CRACD: variants seen among roughly 807,000 people sequenced by gnomAD.
CRACD encodes capping protein-inhibiting regulator of actin dynamics.
A neutral mutation model predicts 106.8 loss-of-function variants in CRACD; 56 were observed. The ratio of observed to expected loss-of-function variants is 0.52; its 90% confidence interval spans 0.42 to 0.66. The LOEUF (loss-of-function observed/expected upper bound fraction) is 0.66. Among genes scored for constraint, CRACD ranks in the 30% least tolerant of loss-of-function variants. CRACD has a pLI of 0.00. For synonymous variants in CRACD, 754 were observed against 670.8 expected (o/e 1.12, Z -1.92); for missense variants, 1,730 against 1,623.2 (o/e 1.07, Z -1.13).
In CRACD at chr4:56,082,687, G is replaced by A. The variant is rs187779663; in HGVS notation, c.-336+33388G>A. On this transcript the variant is annotated intron_variant, in intron 1 of 10. Coordinates refer to ENST00000682029, the MANE Select transcript of CRACD (RefSeq NM_001393381.1). ...TGATGGTGAACTTTGAAGAAAGGATGGGATTTAGAGAAAAGGAGCCAAGAA... is the reference window on the plus strand; with the variant it reads ...TGATGGTGAACTTTGAAGAAAGGATAGGATTTAGAGAAAAGGAGCCAAGAA... Among the ~76,000 whole-genome samples, 13 of 152,238 alleles carry A rather than the reference G, an allele frequency of 8.5e-5. No individual in the cohort carries two copies. In the East Asian group the frequency reaches 2.5e-3, roughly 29 times the overall value.
chr4:56,220,617 T>A (rs1738979685), intron 2 of CRACD, among the ~76,000 whole-genome samples: 3 of 152,122 alleles, frequency 2.0e-5, no homozygotes, highest in Admixed American at 6.5e-5. Context: ...CAAGCCCGGC[T>A]TTTGATTTTT....
At chr4:56,090,643 C>A (rs1054190840) in intron 1 of CRACD, among the ~76,000 whole-genome samples, 1 of 152,156 alleles carries the variant, frequency 6.6e-6, no homozygotes, top group African/African-American at 2.4e-5. Flanking sequence ...GATCTGCCCG[C>A]CTTGGTCTCC....
chr4:56,287,291 ATT>A (rs57432926), intron 3 of CRACD, among the ~76,000 whole-genome samples: 1 of 145,856 alleles, frequency 6.9e-6, no homozygotes, highest in Non-Finnish European at 1.5e-5. Context: ...TACTTGGCTA[ATT>A]TTTTTTTTTT....
intron 2 of CRACD, among the ~76,000 whole-genome samples, chr4:56,199,869 A>G (rs556186870): frequency 4.3e-4 from 65 of 152,212 alleles, no homozygotes; most frequent in Middle Eastern, 3.4e-3. Context: ...ACTGCAAGTT[A>G]AACTTCTGAC....
intron 1 of CRACD, among the ~76,000 whole-genome samples, chr4:56,170,966 CTAAA>C (rs1736338029): frequency 3.3e-5 from 5 of 152,034 alleles, no homozygotes; most frequent in Non-Finnish European, 1.5e-5. Context: ...GGCAGACAAA[CTAAA>C]TAATAGGATG....
intron 1 of CRACD, among the ~76,000 whole-genome samples, chr4:56,112,116 C>A (rs1034981284): frequency 2.6e-5 from 4 of 152,108 alleles, no homozygotes; most frequent in Admixed American, 1.3e-4. Context: ...TCTTGCTAGG[C>A]GGGAGTCAGG....
At chr4:56,125,938 A>AT (rs1359823884) in intron 1 of CRACD, among the ~76,000 whole-genome samples, 1 of 151,330 alleles carries the variant, frequency 6.6e-6, no homozygotes, top group African/African-American at 2.4e-5. Flanking sequence ...CACCTGGCTG[A>AT]TTTTTGTATT....
intron 4 of CRACD, among the ~76,000 whole-genome samples, chr4:56,302,081 A>G (rs1045667031): frequency 1.3e-5 from 2 of 152,092 alleles, no homozygotes; most frequent in East Asian, 1.9e-4. Context: ...CTTTGGGTGA[A>G]GTCGTTCAAC....
At chr4:56,282,410 CACAGTT>C (rs1360250363) in intron 3 of CRACD, among the ~76,000 whole-genome samples, 2 of 152,176 alleles carry the variant, frequency 1.3e-5, no homozygotes, top group Non-Finnish European at 2.9e-5. Flanking sequence ...GCTCACACTC[CACAGTT>C]GGATGATGTC....
At chr4:56,062,722 T>C (rs1732322983) in intron 1 of CRACD, among the ~76,000 whole-genome samples, 2 of 152,170 alleles carry the variant, frequency 1.3e-5, no homozygotes, top group African/African-American at 4.8e-5. Flanking sequence ...TGGATGGGAG[T>C]TCACAGCCAG....
chr4:56,229,945 T>G (rs1739518203), intron 2 of CRACD, among the ~76,000 whole-genome samples: 2 of 152,240 alleles, frequency 1.3e-5, no homozygotes, highest in Admixed American at 6.5e-5. Flanking sequence ...GGTAAAACTT[T>G]GAGCAAATAT....
At chr4:56,060,399 G>C (rs183535294) in intron 1 of CRACD, among the ~76,000 whole-genome samples, 1 of 152,130 alleles carries the variant, frequency 6.6e-6, no homozygotes, top group Admixed American at 6.5e-5. Flanking sequence ...TAACAGGGTA[G>C]AATAAGGGAA....
intron 2 of CRACD, among the ~76,000 whole-genome samples, chr4:56,227,562 TC>T (rs1739370956): frequency 1.1e-4 from 16 of 152,282 alleles, no homozygotes; most frequent in African/African-American, 3.8e-4. Flanking sequence ...AGAGCAGAGA[TC>T]GACCAACTTT....
chr4:56,311,220 C>T (rs928303473), intron 6 of CRACD: 2 of 162,168 alleles, frequency 1.2e-5, no homozygotes, highest in African/African-American at 4.8e-5. Flanking sequence ...GTGTAAGAAC[C>T]CTGTGGACTC....
At chr4:56,223,921 G>T (rs1312467906) in intron 2 of CRACD, among the ~76,000 whole-genome samples, 1 of 152,018 alleles carries the variant, frequency 6.6e-6, no homozygotes, top group Non-Finnish European at 1.5e-5. Context: ...ACCAGGCCTG[G>T]CTAATTTTTT....
intron 1 of CRACD, among the ~76,000 whole-genome samples, chr4:56,089,113 A>T (rs1733332417): frequency 6.6e-6 from 1 of 152,244 alleles, no homozygotes; most frequent in Non-Finnish European, 1.5e-5. Flanking sequence ...TTAATATTTA[A>T]TATCACCAGT....
intron 3 of CRACD, among the ~76,000 whole-genome samples, chr4:56,294,062 C>T (rs1430721690): frequency 6.6e-6 from 1 of 151,956 alleles, no homozygotes. Context: ...CTCATCTCTA[C>T]AAAAAATTTT....
chr4:56,172,706 G>T (rs62308650), intron 1 of CRACD, among the ~76,000 whole-genome samples: 1 of 150,892 alleles, frequency 6.6e-6, no homozygotes, highest in African/African-American at 2.4e-5. Context: ...TCACTGCAAC[G>T]TCCACCTCCT....
Position 56,109,619 on chromosome 4 carries a change from A to G in CRACD, c.-336+60320A>G, listed in dbSNP as rs1428050162. ...TTGTATTATGGTTATATAGGTTAAT[A>G]TTAGGAAAGGCTGAGTGAAGGAATA... is the stretch of plus-strand genomic sequence containing the variant. On this transcript the variant is annotated intron_variant, in intron 1 of 10. Coordinates refer to ENST00000682029, the MANE Select transcript of CRACD (RefSeq NM_001393381.1). Among the ~76,000 whole-genome samples, 5 of 152,358 alleles carry G rather than the reference A, an allele frequency of 3.3e-5. No homozygotes were observed. In the East Asian group the frequency reaches 7.7e-4, roughly 24 times the overall value.
Sources: gnomAD v4.1 joint callset for allele counts (sites outside exome capture counted in the v4.1 genomes callset) on GRCh38, gnomAD v4.1.1 for gene constraint, MANE v1.5 for transcripts, NCBI Gene and HGNC (gene_info 2026-07-23, HGNC 2026-07-21) for gene names.